The following SYAP1 variants were observed in gnomAD, a reference collection of about 807,000 sequenced individuals.
SYAP1 encodes the protein synapse-associated protein 1.
In SYAP1, 3 loss-of-function variants were observed where a neutral mutation model predicts 29.6. The observed-to-expected ratio is 0.10, with a 90% CI of 0.05 to 0.26. The LOEUF is 0.26. Among genes scored for constraint, SYAP1 ranks in the 10% least tolerant of loss-of-function variants. SYAP1 has a pLI of 1.00. For synonymous variants in SYAP1, 102 were observed against 102.7 expected (o/e 0.99, Z 0.04); for missense variants, 217 against 264.1 (o/e 0.82, Z 1.24).
Position 16,735,276 on chromosome X carries a change from A to G in SYAP1, c.225A>G (p.Ser75=), listed in dbSNP as rs1435330014. 1.7e-6 allele frequency: 2 copies of G among 1,199,826 alleles called. No individual in the cohort carries two copies. Among genetic ancestry groups the G allele is most frequent in the African/African-American group, 3.5e-5 (2 of 56,874 alleles). Residue 75 remains serine, a synonymous_variant, in exon 2 of 9, where the codon TCA becomes TCG. Transcript: ENST00000380155. Reference sequence around the variant, plus strand: ...CTGCCACAAAAAAGATAACTGAATCAGTTGCTGAAACAGCACAAACAATAA... The same window carrying G: ...CTGCCACAAAAAAGATAACTGAATCGGTTGCTGAAACAGCACAAACAATAA... ...ASAATKKITE[S]VAETAQTIKK...
At chrX:16,735,805 A>G (rs1406759288) in intron 2 of SYAP1, among the ~76,000 whole-genome samples, 1 of 111,620 alleles carries the variant, frequency 9.0e-6, no homozygotes, top group Non-Finnish European at 1.9e-5. Context: ...TTGTATTTTT[A>G]GTATAGACGG....
chrX:16,736,091 AT>A lies in SYAP1; in HGVS notation c.295-72del, dbSNP rs113504200. 1.8e-4 allele frequency: 120 copies of A among 660,799 alleles called. No individual in the cohort carries two copies. The African/African-American group carries it at 2.3e-3, about 13-fold the overall frequency. 54.5% of individuals were successfully genotyped at this position (660,799 alleles called of 1,213,427 possible). On this transcript the variant is annotated intron_variant, in intron 2 of 8. Coordinates refer to ENST00000380155, the MANE Select transcript of SYAP1 (RefSeq NM_032796.4). ...TGGCATTTCATTTATGTTGGTAGAT[AT>A]TTGAACTAAGGAAGTCATCAATTAA...
chrX:16,720,832 A>G (rs1358430894), intron 1 of SYAP1, among the ~76,000 whole-genome samples: 3 of 110,336 alleles, frequency 2.7e-5, no homozygotes, highest in Non-Finnish European at 5.7e-5. Context: ...GGCCAACACG[A>G]TGTAACCCCG....
At chrX:16,733,073 A>G (rs1032889441) in intron 1 of SYAP1, among the ~76,000 whole-genome samples, 3 of 111,719 alleles carry the variant, frequency 2.7e-5, no homozygotes, top group Non-Finnish European at 3.8e-5. Context: ...CAGCATATGG[A>G]GAGTTAGCCA....
intron 5 of SYAP1, among the ~76,000 whole-genome samples, chrX:16,747,462 C>T (rs1926633179): frequency 8.9e-6 from 1 of 112,054 alleles, no homozygotes; most frequent in Non-Finnish European, 1.9e-5. Context: ...GAGCCATATG[C>T]TTGGCTCCTG....
chrX:16,732,861 GT>G (rs1292241358), intron 1 of SYAP1, among the ~76,000 whole-genome samples: 1 of 112,191 alleles, frequency 8.9e-6, no homozygotes, highest in African/African-American at 3.2e-5. Flanking sequence ...GACAGCCCAG[GT>G]CCCTGCACTC....
At chrX:16,730,813 T>C (rs779914451) in intron 1 of SYAP1, among the ~76,000 whole-genome samples, 5 of 112,442 alleles carry the variant, frequency 4.4e-5, no homozygotes, top group African/African-American at 1.6e-4. Flanking sequence ...TCCTTTCTTA[T>C]ATAAAATCTC....
intron 1 of SYAP1, among the ~76,000 whole-genome samples, chrX:16,720,120 T>C (rs915019025): frequency 1.8e-5 from 2 of 111,938 alleles, no homozygotes; most frequent in East Asian, 5.6e-4. Context: ...GTCCCTGAAG[T>C]TCCTGGTGAC....
At chrX:16,749,910 CAAAA>C (rs201193907) in intron 5 of SYAP1, among the ~76,000 whole-genome samples, 1 of 58,034 alleles carries the variant, frequency 1.7e-5, no homozygotes, top group Non-Finnish European at 3.4e-5. Context: ...GACTCCATCT[CAAAA>C]AAAAAAAAAA....
rs765474795 is a variant in SYAP1, at chrX:16,741,837, GAT to G, written c.435+53_435+54del. Reference sequence around the variant, plus strand: ...GATAGAACATACTTTCTTCTGTCATGATATATCTCTGTTGATGTGACTTTAGT... The same window carrying G: ...GATAGAACATACTTTCTTCTGTCATGATATCTCTGTTGATGTGACTTTAGT... On this transcript the variant is annotated intron_variant, in intron 4 of 8. Coordinates refer to ENST00000380155, the MANE Select transcript of SYAP1 (RefSeq NM_032796.4). 5 of 878,487 alleles carry G rather than the reference GAT, an allele frequency of 5.7e-6. No individual in the cohort carries two copies. In the East Asian group the frequency reaches 1.6e-4, roughly 28 times the overall value. 72.4% of individuals were successfully genotyped at this position (878,487 alleles called of 1,213,427 possible).
chrX:16,755,571 C>T (rs965223055), intron 6 of SYAP1, among the ~76,000 whole-genome samples: 2 of 108,682 alleles, frequency 1.8e-5, no homozygotes, highest in Middle Eastern at 4.6e-3. Flanking sequence ...TGATTCAGTC[C>T]GCCTCCTTTT....
Position 16,743,810 on chromosome X carries a change from G to A in SYAP1, c.545G>A (p.Ser182Asn). Residue 182 changes from serine to asparagine, a missense_variant, in exon 5 of 9, where the codon AGC becomes AAC. By Grantham distance (46) the Ser-to-Asn change is conservative. Transcript: ENST00000380155. The stretch of plus-strand genomic sequence containing the variant: ...ATGCTCCAGGAGGATGAGCTGCTAA[G>A]CAAGATGAGATTTGCCCTCGTTCCT... ...LVMLQEDELL[S>N]KMRFALVPKL... 1 of 1,210,937 alleles carries A rather than the reference G, an allele frequency of 8.3e-7. No homozygotes were observed.
chrX:16,726,618 A>G (rs1410150650), intron 1 of SYAP1, among the ~76,000 whole-genome samples: 1 of 111,441 alleles, frequency 9.0e-6, no homozygotes, highest in Non-Finnish European at 1.9e-5. Flanking sequence ...CGCAATCCCC[A>G]CTGTCAATTT....
chrX:16,719,676 T>C lies in SYAP1; in HGVS notation c.-49T>C. 1.7e-6 allele frequency: 2 copies of C among 1,176,993 alleles called. No homozygotes were observed. The highest frequency in any genetic ancestry group is 2.3e-6 in the Non-Finnish European group (2 of 879,234). On this transcript the variant is annotated 5_prime_UTR_variant, in exon 1 of 9. Transcript: ENST00000380155. ...GAGTGGAGTCAAAGGCAACCAGTGCTCGCTGCGGTCTCTGGGGATCGGGAC... is the reference window on the plus strand; with the variant it reads ...GAGTGGAGTCAAAGGCAACCAGTGCCCGCTGCGGTCTCTGGGGATCGGGAC...
At chrX:16,743,362 G>A (rs746228053) in intron 4 of SYAP1, among the ~76,000 whole-genome samples, 14 of 107,780 alleles carry the variant, frequency 1.3e-4, no homozygotes, top group Non-Finnish European at 1.7e-4. Context: ...AAGAGTGGGC[G>A]CATTGGCTCA....
chrX:16,755,322 C>CGTTTTT (rs1323304618), intron 6 of SYAP1, among the ~76,000 whole-genome samples: 2 of 109,550 alleles, frequency 1.8e-5, no homozygotes, highest in Non-Finnish European at 1.9e-5. Flanking sequence ...TCCTTGTTTT[C>CGTTTTT]GTTTTTGTTT....
At chrX:16,731,608 A>G (rs1003050459) in intron 1 of SYAP1, among the ~76,000 whole-genome samples, 3 of 112,112 alleles carry the variant, frequency 2.7e-5, no homozygotes, top group Non-Finnish European at 5.6e-5. Context: ...AGATGTAGCT[A>G]TCTTCATTAA....
At chrX:16,738,564 C>T (rs1247063626) in intron 3 of SYAP1, among the ~76,000 whole-genome samples, 2 of 111,022 alleles carry the variant, frequency 1.8e-5, no homozygotes, top group Non-Finnish European at 1.9e-5. Flanking sequence ...CCCAGCTCCT[C>T]GGGAGGCTGA....
At chrX:16,739,966 C>T (rs1021623635) in intron 3 of SYAP1, among the ~76,000 whole-genome samples, 8 of 111,239 alleles carry the variant, frequency 7.2e-5, no homozygotes, top group East Asian at 5.6e-4. Context: ...TCTTCTGTGC[C>T]GATCACGCAG....
Sources: gnomAD v4.1 joint callset for allele counts (sites outside exome capture counted in the v4.1 genomes callset) on GRCh38, gnomAD v4.1.1 for gene constraint, MANE v1.5 for transcripts, NCBI Gene and HGNC (gene_info 2026-07-23, HGNC 2026-07-21) for gene names.